The following SEMA7A variants were observed in gnomAD, a reference collection of about 807,000 sequenced individuals.
SEMA7A encodes semaphorin 7A (JohnMiltonHagen blood group).
A neutral mutation model predicts 67.5 loss-of-function variants in SEMA7A; 21 were observed. That is an observed-to-expected ratio of 0.31 (90% CI 0.22 to 0.45). The LOEUF is 0.45. Ranked by LOEUF, SEMA7A falls within the 20% of genes least tolerant of loss-of-function variation. The pLI is 1.00. For missense variants in SEMA7A, 774 were observed against 908.6 expected, an observed-to-expected ratio of 0.85 and a Z score of 1.90; for synonymous variants, 364 against 368.5, an observed-to-expected ratio of 0.99 and a Z score of 0.14.
At chr15:74,431,862 T>C (rs1033333640) in intron 1 of SEMA7A, among the ~76,000 whole-genome samples, 24 of 152,038 alleles carry the variant, frequency 1.6e-4, no homozygotes, top group African/African-American at 3.4e-4. Flanking sequence ...TGGTGAACGG[T>C]TGGCAGACCC....
At chr15:74,421,335 G>A (rs2141282959) in intron 1 of SEMA7A, among the ~76,000 whole-genome samples, 1 of 152,316 alleles carries the variant, frequency 6.6e-6, no homozygotes, top group East Asian at 1.9e-4. Flanking sequence ...AGACATGAAG[G>A]GAGGGTGAGG....
chr15:74,432,191 T>G (rs1422764410), intron 1 of SEMA7A, among the ~76,000 whole-genome samples: 1 of 152,008 alleles, frequency 6.6e-6, no homozygotes, highest in East Asian at 1.9e-4. Flanking sequence ...CACTCAGATG[T>G]GGCCATTTGT....
rs1277194313 is a variant in SEMA7A at position 74,412,015 on chromosome 15, G to A, written c.1295-3C>T. The A allele has an allele frequency of 6.2e-7, 1 of 1,613,752 alleles. No homozygotes were observed. The highest frequency in any genetic ancestry group is 1.7e-5 in the Admixed American group (1 of 60,024). ...CACCTTGTGGATAGTGCCCCTGTCT[G>A]TGTATGGTGGACAGAGGGTCAGTGG... is the stretch of plus-strand genomic sequence containing the variant. On this transcript the variant is annotated splice_polypyrimidine_tract_variant and splice_region_variant and intron_variant, in intron 10 of 13. Coordinates refer to ENST00000261918, the MANE Select transcript of SEMA7A (RefSeq NM_003612.5).
rs1477875184 is a variant in SEMA7A at position 74,433,891 on chromosome 15, C to A, written c.28G>T (p.Ala10Ser). The part of the protein sequence containing the change: MTPPPPGRA[A>S]PSAPRARVPG... ...ACGCGGGCGCGCGGTGCGCTGGGGG[C>A]GGCACGTCCGGGCGGAGGAGGCGTC... is the stretch of plus-strand genomic sequence containing the variant. The change falls in exon 1 of 14, where the codon GCC (alanine) becomes TCC (serine). Residue 10 changes from alanine to serine, a missense_variant. By Grantham distance (99) the Ala-to-Ser change is moderately conservative. Coordinates refer to ENST00000261918, the MANE Select transcript of SEMA7A (RefSeq NM_003612.5). The A allele has an allele frequency of 1.6e-6, 2 of 1,264,456 alleles. No individual in the cohort carries two copies. The highest frequency in any genetic ancestry group is 6.2e-5 in the South Asian group (2 of 32,080). The allele number at this position is 1,264,456 out of a possible 1,614,324, so 78.3% of individuals were successfully genotyped here.
At chr15:74,418,770 G>C (rs1567074519) in intron 2 of SEMA7A, 31 bp downstream of exon 2, 5 of 1,603,466 alleles carry the variant, frequency 3.1e-6, no homozygotes, top group South Asian at 1.1e-5. Context: ...TAAGAGGGTA[G>C]GGGGGGTGTT....
Position 74,425,867 on chromosome 15 carries a change from G to A in SEMA7A, c.179-6915C>T, listed in dbSNP as rs527991414. On this transcript the variant is annotated intron_variant, in intron 1 of 13. Coordinates refer to ENST00000261918, the MANE Select transcript of SEMA7A (RefSeq NM_003612.5). ...TACAGCCCACTTGATTGGTCCTGCT[G>A]ACCTTGTCCCACAGCCCGCATGGAC... Among the ~76,000 whole-genome samples, 3 of 152,264 alleles carry A rather than the reference G, an allele frequency of 2.0e-5. No homozygotes were observed. The East Asian group carries it at 5.8e-4, about 29-fold the overall frequency.
intron 1 of SEMA7A, among the ~76,000 whole-genome samples, chr15:74,433,266 G>T (rs1012673552): frequency 6.6e-6 from 1 of 151,578 alleles, no homozygotes; most frequent in South Asian, 2.1e-4. Flanking sequence ...GCCGAAGCGC[G>T]GCGGCGGCGG....
In SEMA7A at chr15:74,412,031, G is replaced by A. The variant is rs752340559; in HGVS notation, c.1295-19C>T. ...CCCCTGTCTGTGTATGGTGGACAGA[G>A]GGTCAGTGGGCGGGAGTCCCACTGA... On this transcript the variant is annotated intron_variant, in intron 10 of 13. Transcript: ENST00000261918. 3 of 1,613,352 alleles carry A rather than the reference G, an allele frequency of 1.9e-6. 1 individual carries two copies. The South Asian group carries it at 3.3e-5, about 18-fold the overall frequency.
At position 74,416,341 on chromosome 15, in the gene SEMA7A, A is replaced by C. The variant is rs532216757; in HGVS notation, c.801+234T>G. 3.1e-4 allele frequency among the ~76,000 whole-genome samples: 47 copies of C among 151,334 alleles called. No individual in the cohort carries two copies. The South Asian group carries it at 4.6e-3, about 15-fold the overall frequency. On this transcript the variant is annotated intron_variant, in intron 7 of 13. Transcript: ENST00000261918. ...AAAACACACACACACACACACACACACCCCATCATACACACGCTCACACGC... is the reference window on the plus strand; with the variant it reads ...AAAACACACACACACACACACACACCCCCCATCATACACACGCTCACACGC...
rs763493144 is a variant in SEMA7A at position 74,411,124 on chromosome 15, T to C, written c.1640-139A>G. 3.0e-5 allele frequency: 41 copies of C among 1,383,312 alleles called. No homozygotes were observed. Among genetic ancestry groups the C allele is most frequent in the Non-Finnish European group, 3.9e-5 (40 of 1,028,244 alleles). The allele number at this position is 1,383,312 out of a possible 1,614,324, so 85.7% of individuals were successfully genotyped here. A position where few individuals can be genotyped will look rare whatever the true frequency, so the allele number is the denominator to read the frequency against. On this transcript the variant is annotated intron_variant, in intron 13 of 13. Transcript: ENST00000261918. The surrounding 1 kb of genome is among the most constrained non-coding windows in gnomAD (Gnocchi z 4.4). The stretch of plus-strand genomic sequence containing the variant: ...ACCCAGCCCTCAGCGTCCTCCTTTT[T>C]TCTCCCGTCTCGCTCATCCCACCAA...
chr15:74,425,663 T>C (rs1478957543), intron 1 of SEMA7A, among the ~76,000 whole-genome samples: 1 of 152,206 alleles, frequency 6.6e-6, no homozygotes, highest in Non-Finnish European at 1.5e-5. Context: ...TATGCTTTGA[T>C]GTTGCCCTGG....
In SEMA7A at chr15:74,428,310, G is replaced by A. The variant is rs76682538; in HGVS notation, c.178+5431C>T. Reference sequence around the variant, plus strand: ...CCCCAGCCTGGGACAGAGTATGATGGCAGACAGAAAGCTGGAAACAGGCTG... The same window carrying A: ...CCCCAGCCTGGGACAGAGTATGATGACAGACAGAAAGCTGGAAACAGGCTG... On this transcript the variant is annotated intron_variant, in intron 1 of 13. Coordinates refer to ENST00000261918, the MANE Select transcript of SEMA7A (RefSeq NM_003612.5). Among the ~76,000 whole-genome samples, 490 of 152,330 alleles carry A rather than the reference G, an allele frequency of 3.2e-3. 1 individual carries two copies. The highest frequency in any genetic ancestry group is 0.011 in the African/African-American group (462 of 41,568).
In SEMA7A at chr15:74,410,296, C is replaced by A; in HGVS notation, c.*328G>T. 3.3e-6 allele frequency: 1 copy of A among 302,640 alleles called. No individual in the cohort carries two copies. The highest frequency in any genetic ancestry group is 6.1e-6 in the Non-Finnish European group (1 of 164,780). The allele number at this position is 302,640 out of a possible 1,614,324, so 18.7% of individuals were successfully genotyped here. Reference sequence around the variant, plus strand: ...CTCCTATCCAAACCCACTCCCCGACCCATGGGCTCTTGGGCTGGGAGCATC... The same window carrying A: ...CTCCTATCCAAACCCACTCCCCGACACATGGGCTCTTGGGCTGGGAGCATC... On this transcript the variant is annotated 3_prime_UTR_variant, in exon 14 of 14. Transcript: ENST00000261918. The surrounding 1 kb of genome is among the most constrained non-coding windows in gnomAD (Gnocchi z 7.5).
intron 1 of SEMA7A, among the ~76,000 whole-genome samples, chr15:74,426,178 G>C (rs1438407686): frequency 6.6e-6 from 1 of 152,192 alleles, no homozygotes; most frequent in Non-Finnish European, 1.5e-5. Flanking sequence ...GGGAGGCTGA[G>C]ACAGAAGAAT....
At chr15:74,417,808 A>G (rs569326273) in intron 4 of SEMA7A, 69 bp downstream of exon 4, 2 of 1,576,958 alleles carry the variant, frequency 1.3e-6, no homozygotes, top group East Asian at 2.2e-5. Context: ...TCTCCTTCCC[A>G]CCATGAGGGG....
intron 2 of SEMA7A, 102 bp from the exon 3 acceptor site, chr15:74,418,411 T>C: frequency 8.7e-7 from 1 of 1,153,528 alleles, no homozygotes; most frequent in Non-Finnish European, 1.3e-6. Flanking sequence ...AAGCAACCAT[T>C]ATTCTCATCT....
At chr15:74,430,728 C>T (rs2061081486) in intron 1 of SEMA7A, among the ~76,000 whole-genome samples, 2 of 152,208 alleles carry the variant, frequency 1.3e-5, no homozygotes, top group Non-Finnish European at 2.9e-5. Context: ...GGAGGGAGTT[C>T]ACCTTGAAGG....
intron 1 of SEMA7A, chr15:74,433,490 A>C: frequency 2.8e-6 from 3 of 1,082,410 alleles, no homozygotes; most frequent in East Asian, 3.8e-5. Context: ...GCTGCCAGGG[A>C]CTTGGTGCGA....
At chr15:74,421,269 C>G (rs1342646283) in intron 1 of SEMA7A, among the ~76,000 whole-genome samples, 2 of 152,178 alleles carry the variant, frequency 1.3e-5, no homozygotes, top group African/African-American at 4.8e-5. Context: ...TTCCACAGCT[C>G]TCCAGCAAAA....
Sources: allele counts gnomAD v4.1 joint callset (sites outside exome capture counted in the v4.1 genomes callset), GRCh38; gene constraint gnomAD v4.1.1; non-coding constraint Gnocchi (gnomAD v3.1); transcripts MANE v1.5; gene names NCBI Gene and HGNC (gene_info 2026-07-23, HGNC 2026-07-21).